RAP1GAP2: variants seen among roughly 807,000 people sequenced by gnomAD.
RAP1GAP2 encodes the protein RAP1 GTPase activating protein 2.
RAP1GAP2 carries 27 observed loss-of-function variants against 95.0 expected under a neutral mutation model. The ratio of observed to expected loss-of-function variants is 0.28; its 90% CI spans 0.21 to 0.39. The LOEUF (loss-of-function observed/expected upper bound fraction) is 0.39, where lower values mean the gene tolerates loss of function less well. Among genes scored for constraint, RAP1GAP2 ranks in the 10% least tolerant of loss-of-function variants. The probability of loss-of-function intolerance (pLI) is 1.00; values close to 1 mark genes in which losing one functional copy is unlikely to be tolerated. For synonymous variants in RAP1GAP2, 373 were observed against 380.9 expected (o/e 0.98, Z 0.24); for missense variants, 771 against 970.0 (o/e 0.79, Z 2.72).
intron 12 of RAP1GAP2, among the ~76,000 whole-genome samples, chr17:2,994,345 T>C (rs936201830): frequency 6.6e-6 from 1 of 152,204 alleles, no homozygotes; most frequent in Non-Finnish European, 1.5e-5. Flanking sequence ...GGAACCTGCA[T>C]CTGCTGAAGA....
rs1005235778 is a variant in RAP1GAP2, at chr17:2,854,117, C to T, written c.81-51167C>T. On this transcript the variant is annotated intron_variant, in intron 2 of 24. Coordinates refer to ENST00000254695, the MANE Select transcript of RAP1GAP2 (RefSeq NM_015085.5). ...AAAGAGAAAAGGTAAACCCCTGCAG[C>T]GCCGGCCGCTTCCCTCCGCTCTCCT... 7 of 985,326 alleles carry T rather than the reference C, an allele frequency of 7.1e-6. No individual in the cohort carries two copies. In the Admixed American group the frequency reaches 2.5e-4, roughly 35 times the overall value. The allele number at this position is 985,326 out of a possible 1,614,324, so 61.0% of individuals were successfully genotyped here. A position where few individuals can be genotyped will look rare whatever the true frequency, so the allele number is the denominator to read the frequency against.
At position 2,963,846 on chromosome 17, in the gene RAP1GAP2, C is replaced by G. The variant is rs369455688; in HGVS notation, c.280-10C>G. On this transcript the variant is annotated splice_polypyrimidine_tract_variant and intron_variant, in intron 6 of 24. Coordinates refer to ENST00000254695, the MANE Select transcript of RAP1GAP2 (RefSeq NM_015085.5). The surrounding 1 kb of genome is among the most constrained non-coding windows in gnomAD (Gnocchi z 4.8). ...CCCAGGGGAGCGCACGACCCTCCCT[C>G]TGCCTTCAGGTTGTGGAGAAGGGAG... 1 of 1,582,738 alleles carries G rather than the reference C, an allele frequency of 6.3e-7. No homozygotes were observed. Among genetic ancestry groups the G allele is most frequent in the Non-Finnish European group, 8.6e-7 (1 of 1,163,894 alleles).
chr17:2,984,584 T>G (rs905089223), intron 10 of RAP1GAP2, among the ~76,000 whole-genome samples: 1 of 152,192 alleles, frequency 6.6e-6, no homozygotes, highest in African/African-American at 2.4e-5. Context: ...CTCGGACTCA[T>G]GCTGCTGATT....
chr17:2,893,698 A>G (rs533770291), intron 2 of RAP1GAP2, among the ~76,000 whole-genome samples: 1 of 152,098 alleles, frequency 6.6e-6, no homozygotes, highest in Non-Finnish European at 1.5e-5. Flanking sequence ...CTCTGCTCTG[A>G]CCATGACGCT....
At chr17:2,900,089 G>A (rs1447434370) in intron 2 of RAP1GAP2, among the ~76,000 whole-genome samples, 2 of 152,186 alleles carry the variant, frequency 1.3e-5, no homozygotes, top group South Asian at 2.1e-4. Flanking sequence ...GGCTGGGAGC[G>A]GGTGTGGGGA....
intron 23 of RAP1GAP2, among the ~76,000 whole-genome samples, chr17:3,031,681 C>T (rs1398491344): frequency 2.0e-5 from 3 of 148,876 alleles, no homozygotes; most frequent in Non-Finnish European, 3.0e-5. Flanking sequence ...TCTGAGCTCG[C>T]CAGACTATCG....
chr17:2,922,769 T>C (rs185353774), intron 3 of RAP1GAP2, among the ~76,000 whole-genome samples: 148 of 152,250 alleles, frequency 9.7e-4, no homozygotes, highest in African/African-American at 3.2e-3. Context: ...TCCTCATTGA[T>C]TGATCCAGCC....
intron 4 of RAP1GAP2, among the ~76,000 whole-genome samples, chr17:2,961,243 A>G (rs182862233): frequency 2.7e-5 from 4 of 150,566 alleles, no homozygotes; most frequent in African/African-American, 7.4e-5. Context: ...GGCTGGGTGC[A>G]GTGGCTCACG....
intron 2 of RAP1GAP2, among the ~76,000 whole-genome samples, chr17:2,891,825 T>C (rs906183675): frequency 2.3e-5 from 3 of 130,280 alleles, no homozygotes; most frequent in Non-Finnish European, 4.9e-5. Flanking sequence ...TTTTTTTTTT[T>C]TTTTTTTTTT....
intron 1 of RAP1GAP2, among the ~76,000 whole-genome samples, chr17:2,770,077 C>CAA (rs533020473): frequency 0.22 from 20,972 of 97,540 alleles, 1,972 homozygotes; most frequent in East Asian, 0.43. Context: ...GGTCTCAAAA[C>CAA]AAAAAAAAAA....
At chr17:2,920,552 G>A (rs1436182097) in intron 3 of RAP1GAP2, among the ~76,000 whole-genome samples, 1 of 152,230 alleles carries the variant, frequency 6.6e-6, no homozygotes, top group African/African-American at 2.4e-5. Context: ...GAAACCAACT[G>A]TGTGACATCG....
intron 3 of RAP1GAP2, among the ~76,000 whole-genome samples, chr17:2,917,126 G>A (rs1157102153): frequency 6.6e-6 from 1 of 152,190 alleles, no homozygotes; most frequent in Admixed American, 6.5e-5. Context: ...GCCTGCCACA[G>A]GGGCGATTAA....
At chr17:3,030,218 C>G (rs951500651) in intron 22 of RAP1GAP2, among the ~76,000 whole-genome samples, 2 of 135,480 alleles carry the variant, frequency 1.5e-5, no homozygotes, top group Non-Finnish European at 3.3e-5. Context: ...GGCGCCCGGC[C>G]ATGAGTATTT....
At chr17:3,022,238 G>A (rs2046984847) in intron 19 of RAP1GAP2, among the ~76,000 whole-genome samples, 3 of 152,206 alleles carry the variant, frequency 2.0e-5, no homozygotes, top group Non-Finnish European at 4.4e-5. Context: ...AGATGTCACA[G>A]ACTCCAAATT....
intron 2 of RAP1GAP2, among the ~76,000 whole-genome samples, chr17:2,832,136 G>A (rs2070883491): frequency 6.8e-6 from 1 of 148,088 alleles, no homozygotes; most frequent in Non-Finnish European, 1.5e-5. Flanking sequence ...CCTGGGAGGT[G>A]GAGTTTGCAA....
intron 11 of RAP1GAP2, among the ~76,000 whole-genome samples, chr17:2,987,925 G>C (rs2151555361): frequency 6.6e-6 from 1 of 152,326 alleles, no homozygotes; most frequent in South Asian, 2.1e-4. Flanking sequence ...CTTCATGGCA[G>C]CCTGTGCATG....
rs1166159025 is a variant in RAP1GAP2, at chr17:3,025,989, CTCA to C, written c.1752-17_1752-15del. The C allele has an allele frequency of 6.3e-7, 1 of 1,581,172 alleles. No homozygotes were observed. The highest frequency in any genetic ancestry group is 8.7e-7 in the Non-Finnish European group (1 of 1,150,756). Reference sequence around the variant, plus strand: ...GAGGGCTGTCTCCGCGGCCTCACTCCTCATTTCCATTCCCTCAGTGACAGCACA... The same window carrying C: ...GAGGGCTGTCTCCGCGGCCTCACTCCTTTCCATTCCCTCAGTGACAGCACA... On this transcript the variant is annotated splice_polypyrimidine_tract_variant and intron_variant, in intron 19 of 24. Coordinates refer to ENST00000254695, the MANE Select transcript of RAP1GAP2 (RefSeq NM_015085.5).
rs1292141170 is a variant in RAP1GAP2 at position 2,817,736 on chromosome 17, G to T, written c.80+17186G>T. Among the ~76,000 whole-genome samples, 2 of 121,000 alleles carry T rather than the reference G, an allele frequency of 1.7e-5. 1 individual carries two copies. Among genetic ancestry groups the T allele is most frequent in the Non-Finnish European group, 4.0e-5 (2 of 50,430 alleles). The allele number at this position is 121,000 out of a possible 152,430, so 79.4% of individuals were successfully genotyped here. ...GGGTTTCACCATGTTGGCTAGGCTGGTCTTGAACTCCTGACCTCAGGCAAT... is the reference window on the plus strand; with the variant it reads ...GGGTTTCACCATGTTGGCTAGGCTGTTCTTGAACTCCTGACCTCAGGCAAT... On this transcript the variant is annotated intron_variant, in intron 2 of 24. Transcript: ENST00000254695.
intron 3 of RAP1GAP2, among the ~76,000 whole-genome samples, chr17:2,941,662 T>A (rs971725245): frequency 8.6e-6 from 1 of 115,980 alleles, no homozygotes; most frequent in Non-Finnish European, 1.9e-5. Context: ...CAGTGATGAC[T>A]CTTGGGTTTT....
Sources: gnomAD v4.1 joint callset for allele counts (sites outside exome capture counted in the v4.1 genomes callset) on GRCh38, gnomAD v4.1.1 for gene constraint, Gnocchi (gnomAD v3.1) non-coding constraint, MANE v1.5 for transcripts, NCBI Gene and HGNC (gene_info 2026-07-23, HGNC 2026-07-21) for gene names.